Variants in ELMO1 observed in about 807,000 individuals in gnomAD.
The protein encoded by ELMO1 is engulfment and cell motility 1, also known as engulfment and cell motility protein 1.
A neutral mutation model predicts 98.9 loss-of-function variants in ELMO1; 26 were observed. The observed-to-expected ratio is 0.26, with a 90% CI of 0.19 to 0.36. ELMO1 has a LOEUF of 0.36. ELMO1 is among the 10% of genes least tolerant of loss of function. ELMO1 has a pLI of 1.00. For synonymous variants in ELMO1, 346 were observed against 346.0 expected (o/e 1.00, Z 0.00); for missense variants, 627 against 935.2 (o/e 0.67, Z 4.30).
intron 16 of ELMO1, among the ~76,000 whole-genome samples, chr7:37,005,118 A>AG (rs2129166045): frequency 6.7e-6 from 1 of 150,192 alleles, no homozygotes; most frequent in African/African-American, 2.5e-5. Context: ...AAAAAAAAAA[A>AG]AAAAAAAAAA....
At chr7:37,166,956 T>C (rs1488544884) in intron 13 of ELMO1, among the ~76,000 whole-genome samples, 1 of 152,062 alleles carries the variant, frequency 6.6e-6, no homozygotes, top group Non-Finnish European at 1.5e-5. Flanking sequence ...TCTCCCATTA[T>C]TAATGTGTGG....
At chr7:37,209,663 A>G (rs984237413) in intron 13 of ELMO1, among the ~76,000 whole-genome samples, 7 of 152,180 alleles carry the variant, frequency 4.6e-5, no homozygotes, top group African/African-American at 1.7e-4. Flanking sequence ...TGTCTTGCTT[A>G]CCACATAAAA....
chr7:37,218,672 TTAAAAGAAGTTTAGAAAAAC>T (rs1461927248), intron 10 of ELMO1, among the ~76,000 whole-genome samples: 1 of 152,214 alleles, frequency 6.6e-6, no homozygotes, highest in Admixed American at 6.5e-5. Flanking sequence ...TTGTTTAGTT[TTAAAAGAAGTTTAGAAAAAC>T]TACAATGCAT....
At chr7:37,188,501 A>AATAAT (rs1554438183) in intron 13 of ELMO1, among the ~76,000 whole-genome samples, 47,391 of 125,762 alleles carry the variant, frequency 0.38, 10,507 homozygotes, top group Non-Finnish European at 0.47. Context: ...AAAAAAAAAA[A>AATAAT]AATAATAATA....
rs568881458 is a variant in ELMO1 at position 37,173,516 on chromosome 7, A to G, written c.1086+37870T>C. On this transcript the variant is annotated intron_variant, in intron 13 of 21. Transcript: ENST00000310758. ...AAATTAAGTAGTGAAGCTACATTGC[A>G]AAAGCACAGATAGCTCCTAGTCCAT... Among the ~76,000 whole-genome samples the G allele has an allele frequency of 3.3e-5, 5 of 152,172 alleles. No individual in the cohort carries two copies. In the South Asian group the frequency reaches 8.3e-4, roughly 25 times the overall value.
intron 13 of ELMO1, among the ~76,000 whole-genome samples, chr7:37,171,008 T>C (rs1790117761): frequency 6.6e-6 from 1 of 152,188 alleles, no homozygotes; most frequent in Admixed American, 6.6e-5. Context: ...CAATATTCTT[T>C]ATAGCACAAA....
At chr7:36,896,334 T>C (rs1805994353) in intron 16 of ELMO1, among the ~76,000 whole-genome samples, 6 of 152,148 alleles carry the variant, frequency 3.9e-5, no homozygotes, top group Admixed American at 3.3e-4. Flanking sequence ...TGGCATAGAT[T>C]TGATGTTGAA....
intron 16 of ELMO1, among the ~76,000 whole-genome samples, chr7:36,908,234 ATGTT>A (rs1335281638): frequency 6.6e-6 from 1 of 152,228 alleles, no homozygotes; most frequent in Non-Finnish European, 1.5e-5. Flanking sequence ...AGCTTGTTGA[ATGTT>A]TGTTGAATAA....
At chr7:37,384,715 G>A (rs1287646655) in intron 1 of ELMO1, among the ~76,000 whole-genome samples, 4 of 144,918 alleles carry the variant, frequency 2.8e-5, no homozygotes, top group Non-Finnish European at 6.0e-5. Context: ...GCAAGACTCC[G>A]TCTCAAAAAA....
intron 5 of ELMO1, 153 bp downstream of exon 5, chr7:37,271,679 A>G: frequency 1.3e-6 from 1 of 743,244 alleles, no homozygotes; most frequent in East Asian, 2.7e-5. Flanking sequence ...ACGGAGGGGC[A>G]TTCCTGCTAA....
At chr7:37,406,518 C>T (rs1803771875) in intron 1 of ELMO1, among the ~76,000 whole-genome samples, 1 of 152,080 alleles carries the variant, frequency 6.6e-6, no homozygotes, top group Admixed American at 6.5e-5. Flanking sequence ...CAAGCTCCGC[C>T]TCCCGGGTTC....
chr7:36,893,264 G>A (rs182544578), intron 17 of ELMO1, among the ~76,000 whole-genome samples: 221 of 152,306 alleles, frequency 1.5e-3, no homozygotes, highest in African/African-American at 5.1e-3. Flanking sequence ...ATGGGGCAAG[G>A]AGCCATTGTC....
intron 8 of ELMO1, among the ~76,000 whole-genome samples, chr7:37,230,814 T>C (rs1794131113): frequency 6.6e-6 from 1 of 152,358 alleles, no homozygotes; most frequent in South Asian, 2.1e-4. Context: ...GAATTGCTTC[T>C]CTGGAACTGA....
intron 15 of ELMO1, among the ~76,000 whole-genome samples, chr7:37,093,592 T>C (rs1046030469): frequency 2.6e-5 from 4 of 152,254 alleles, no homozygotes; most frequent in Non-Finnish European, 4.4e-5. Flanking sequence ...AAAATAGGCA[T>C]TTCTTTCAAC....
chr7:36,973,000 C>T (rs1482763372), intron 16 of ELMO1, among the ~76,000 whole-genome samples: 3 of 152,148 alleles, frequency 2.0e-5, no homozygotes, highest in African/African-American at 4.8e-5. Flanking sequence ...AGGCTGGTCT[C>T]GAACTACTGA....
chr7:37,165,427 G>A (rs1358377234), intron 13 of ELMO1, among the ~76,000 whole-genome samples: 1 of 151,988 alleles, frequency 6.6e-6, no homozygotes, highest in African/African-American at 2.4e-5. Context: ...TTTTCAAAGG[G>A]AATGCTTCCA....
chr7:37,410,939 T>A (rs1269345514), intron 1 of ELMO1, among the ~76,000 whole-genome samples: 1 of 152,182 alleles, frequency 6.6e-6, no homozygotes, highest in Non-Finnish European at 1.5e-5. Context: ...GCAGAAGGCA[T>A]CAGGATAGAG....
rs184333741 is a variant in ELMO1 at position 37,314,351 on chromosome 7, C to T, written c.192+499G>A. On this transcript the variant is annotated intron_variant, in intron 4 of 21. Transcript: ENST00000310758. ...AGGGCCATTGCTGTCTTCACAAATC[C>T]CTCCTTCTCCTTTAATCTTGCTAAA... Among the ~76,000 whole-genome samples the T allele has an allele frequency of 1.4e-3, 218 of 152,200 alleles. 1 individual carries two copies. Among genetic ancestry groups the T allele is most frequent in the African/African-American group, 5.0e-3 (207 of 41,514 alleles).
intron 15 of ELMO1, among the ~76,000 whole-genome samples, chr7:37,086,214 A>G (rs956925665): frequency 5.3e-5 from 8 of 152,208 alleles, no homozygotes; most frequent in Non-Finnish European, 8.8e-5. Context: ...TCTTTCAGAC[A>G]CAAGAGGCCG....
Sources: gnomAD v4.1 joint callset for allele counts (sites outside exome capture counted in the v4.1 genomes callset) on GRCh38, gnomAD v4.1.1 for gene constraint, MANE v1.5 for transcripts, NCBI Gene and HGNC (gene_info 2026-07-23, HGNC 2026-07-21) for gene names.